Variants in SAMD8 observed in about 807,000 individuals in gnomAD.
SAMD8 encodes the protein sphingomyelin synthase-related protein 1.
In SAMD8, 20 loss-of-function variants were observed where a neutral mutation model predicts 42.0. That is an observed-to-expected ratio of 0.48 (90% CI 0.34 to 0.69). SAMD8 has a LOEUF of 0.69. SAMD8 is among the 30% of genes least tolerant of loss of function. The pLI is 0.01. For missense variants in SAMD8, 328 were observed against 511.6 expected (o/e 0.64, Z 3.46); for synonymous variants, 162 against 173.0 (o/e 0.94, Z 0.50).
chr10:75,128,517 A>G (rs1159321614), intron 1 of SAMD8, among the ~76,000 whole-genome samples: 2 of 152,178 alleles, frequency 1.3e-5, no homozygotes, highest in African/African-American at 4.8e-5. Context: ...CAGCTTAGAT[A>G]TTTTTAATAA....
intron 1 of SAMD8, among the ~76,000 whole-genome samples, chr10:75,146,662 TA>T (rs1273819508): frequency 6.6e-6 from 1 of 152,198 alleles, no homozygotes; most frequent in Non-Finnish European, 1.5e-5. Context: ...TTCTTGTTAG[TA>T]AATCTTGGTC....
At chr10:75,101,140 G>A (rs530920702) in intron 1 of SAMD8, among the ~76,000 whole-genome samples, 2 of 152,324 alleles carry the variant, frequency 1.3e-5, no homozygotes, top group East Asian at 3.9e-4. Flanking sequence ...GGGAACAGCT[G>A]TGGGTCTCTG....
upstream of SAMD8, chr10:75,108,384 T>G: frequency 8.0e-7 from 1 of 1,243,582 alleles, no homozygotes; most frequent in African/African-American, 1.5e-5. Context: ...CCCCGCACTT[T>G]CTGGTGGCTG....
At chr10:75,174,687 C>T (rs967427766) in intron 4 of SAMD8, among the ~76,000 whole-genome samples, 2 of 151,774 alleles carry the variant, frequency 1.3e-5, no homozygotes, top group Non-Finnish European at 2.9e-5. Flanking sequence ...CCCACCTCGG[C>T]CTCTCAAAGT....
intron 1 of SAMD8, among the ~76,000 whole-genome samples, chr10:75,149,181 A>G (rs1840221560): frequency 6.6e-6 from 1 of 152,236 alleles, no homozygotes; most frequent in African/African-American, 2.4e-5. Flanking sequence ...CTTTTGAGAA[A>G]TAGTGTTTTT....
At chr10:75,153,692 G>C (rs1192634402) in intron 2 of SAMD8, among the ~76,000 whole-genome samples, 1 of 151,838 alleles carries the variant, frequency 6.6e-6, no homozygotes, top group Non-Finnish European at 1.5e-5. Flanking sequence ...AAATGTCCGT[G>C]TTCCTATGCC....
upstream of SAMD8, chr10:75,109,359 G>C (rs985985374): frequency 3.1e-5 from 15 of 488,864 alleles, no homozygotes; most frequent in African/African-American, 3.0e-4. Flanking sequence ...GAATCAGAGA[G>C]ACCTCTGCAA....
intron 1 of SAMD8, among the ~76,000 whole-genome samples, chr10:75,121,715 T>A (rs1849009923): frequency 6.6e-6 from 1 of 152,058 alleles, no homozygotes; most frequent in South Asian, 2.1e-4. Context: ...TTTTTTTGAC[T>A]GAGTCTCACT....
intron 1 of SAMD8, chr10:75,105,977 A>G: frequency 9.9e-7 from 1 of 1,010,466 alleles, no homozygotes; most frequent in Non-Finnish European, 1.5e-6. Context: ...GCACTCTGTG[A>G]TCCTGAGCAA....
chr10:75,152,446 CGGG>C (rs1840311429), intron 2 of SAMD8, among the ~76,000 whole-genome samples: 1 of 145,874 alleles, frequency 6.9e-6, no homozygotes, highest in Non-Finnish European at 1.5e-5. Context: ...GGCGTGAACC[CGGG>C]AGGCGGAGCT....
intron 1 of SAMD8, among the ~76,000 whole-genome samples, chr10:75,120,905 C>T (rs34088482): frequency 0.25 from 37,671 of 151,226 alleles, 5,206 homozygotes; most frequent in East Asian, 0.58. Flanking sequence ...CTCTGCCTCC[C>T]GAGTAGCTGG....
intron 1 of SAMD8, among the ~76,000 whole-genome samples, chr10:75,120,386 C>G (rs974792701): frequency 6.6e-6 from 1 of 152,094 alleles, no homozygotes; most frequent in Admixed American, 6.5e-5. Context: ...ATTCTCCTGC[C>G]TCAGCCTCCC....
Position 75,180,002 on chromosome 10 carries a change from TGC to T in SAMD8, c.*3311_*3312del, listed in dbSNP as rs1473535361. On this transcript the variant is annotated 3_prime_UTR_variant, in exon 6 of 6. Coordinates refer to ENST00000542569, the MANE Select transcript of SAMD8 (RefSeq NM_001174156.2). Reference sequence around the variant, plus strand: ...TTTTCTGTGTTCCTGGCAGCAGTGTTGCCTTTTTTTTTCTTTTCCTTTTTTTT... The same window carrying T: ...TTTTCTGTGTTCCTGGCAGCAGTGTTCTTTTTTTTTCTTTTCCTTTTTTTT... 2.6e-5 allele frequency: 4 copies of T among 151,990 alleles called. No homozygotes were observed. Among genetic ancestry groups the T allele is most frequent in the Non-Finnish European group, 5.9e-5 (4 of 68,014 alleles). 9.4% of individuals were successfully genotyped at this position (151,990 alleles called of 1,614,324 possible).
intron 2 of SAMD8, among the ~76,000 whole-genome samples, chr10:75,155,619 A>G (rs1840394974): frequency 1.3e-5 from 2 of 152,328 alleles, no homozygotes; most frequent in African/African-American, 4.8e-5. Context: ...GGGTTATAAT[A>G]GGTTCAGGAG....
At chr10:75,115,262 C>T (rs1404330075) in intron 1 of SAMD8, among the ~76,000 whole-genome samples, 1 of 152,100 alleles carries the variant, frequency 6.6e-6, no homozygotes, top group Non-Finnish European at 1.5e-5. Context: ...TATGATGTAA[C>T]ACATTGAGGG....
Position 75,176,017 on chromosome 10 carries a change from C to T in SAMD8, c.793-49C>T, listed in dbSNP as rs1409538156. 6.4e-7 allele frequency: 1 copy of T among 1,571,854 alleles called. No individual in the cohort carries two copies. Among genetic ancestry groups the T allele is most frequent in the Non-Finnish European group, 8.6e-7 (1 of 1,160,018 alleles). On this transcript the variant is annotated intron_variant, in intron 4 of 5. Transcript: ENST00000542569. The surrounding 1 kb of genome is among the most constrained non-coding windows in gnomAD (Gnocchi z 4.3). ...CAATAGGAATGGATGTTGGGAAGTT[C>T]CCACCTCCCTAAGCATTTGAAGCAC...
chr10:75,112,849 A>G (rs1156459837), intron 1 of SAMD8, among the ~76,000 whole-genome samples: 1 of 152,234 alleles, frequency 6.6e-6, no homozygotes, highest in Non-Finnish European at 1.5e-5. Flanking sequence ...AAGTTGACAC[A>G]TGTATTTGCC....
At chr10:75,154,233 A>C (rs1364709690) in intron 2 of SAMD8, among the ~76,000 whole-genome samples, 1 of 152,242 alleles carries the variant, frequency 6.6e-6, no homozygotes, top group Non-Finnish European at 1.5e-5. Flanking sequence ...GCAATGGGGA[A>C]AACTGAGAAC....
At chr10:75,115,733 G>C (rs1848864231) in intron 1 of SAMD8, among the ~76,000 whole-genome samples, 1 of 152,080 alleles carries the variant, frequency 6.6e-6, no homozygotes, top group African/African-American at 2.4e-5. Context: ...GAGGCCAGGA[G>C]ATCGAGACCA....
Sources: allele counts gnomAD v4.1 joint callset (sites outside exome capture counted in the v4.1 genomes callset), GRCh38; gene constraint gnomAD v4.1.1; non-coding constraint Gnocchi (gnomAD v3.1); transcripts MANE v1.5; gene names NCBI Gene and HGNC (gene_info 2026-07-23, HGNC 2026-07-21).